The following CSGALNACT1 variants were observed in gnomAD, a reference collection of about 807,000 sequenced individuals.
CSGALNACT1 encodes chondroitin sulfate N-acetylgalactosaminyltransferase 1.
Under a neutral mutation model 51.0 loss-of-function variants are expected in CSGALNACT1, and 52 were observed. The observed-to-expected ratio is 1.02, with a 90% CI of 0.82 to 1.29. The LOEUF is 1.29. CSGALNACT1 is among the 50% of genes most tolerant of loss of function. The pLI, the probability that CSGALNACT1 is intolerant of heterozygous loss-of-function variation, is 0.00. For synonymous variants in CSGALNACT1, 341 were observed against 254.4 expected (o/e 1.34, Z -3.24); for missense variants, 935 against 679.2 (o/e 1.38, Z -4.19).
At chr8:19,728,012 T>A (rs1175984776) in intron 1 of CSGALNACT1, among the ~76,000 whole-genome samples, 1 of 152,204 alleles carries the variant, frequency 6.6e-6, no homozygotes, top group Admixed American at 6.5e-5. Context: ...ACTGGAGTTC[T>A]ACGCGCGATG....
At chr8:19,444,641 C>G (rs147922885) in intron 5 of CSGALNACT1, among the ~76,000 whole-genome samples, 29 of 152,270 alleles carry the variant, frequency 1.9e-4, no homozygotes, top group African/African-American at 5.1e-4. Context: ...AATGCAGAGG[C>G]CAGTTTGTTC....
chr8:19,690,561 T>A (rs923125971), intron 1 of CSGALNACT1, among the ~76,000 whole-genome samples: 5 of 152,170 alleles, frequency 3.3e-5, no homozygotes, highest in African/African-American at 1.2e-4. Flanking sequence ...ATAAAACAGA[T>A]TTTTTTCCTC....
intron 1 of CSGALNACT1, among the ~76,000 whole-genome samples, chr8:19,703,464 C>T (rs1302788614): frequency 3.9e-5 from 6 of 152,100 alleles, no homozygotes; most frequent in African/African-American, 1.2e-4. Flanking sequence ...CCACCAAGCC[C>T]GGCTAATTTT....
intron 5 of CSGALNACT1, among the ~76,000 whole-genome samples, chr8:19,445,888 A>T (rs2062028318): frequency 6.6e-6 from 1 of 152,140 alleles, no homozygotes; most frequent in African/African-American, 2.4e-5. Context: ...TTAAAAAGTA[A>T]AGTAAGCTGG....
intron 4 of CSGALNACT1, among the ~76,000 whole-genome samples, chr8:19,472,903 A>G (rs1245746484): frequency 1.3e-5 from 2 of 152,242 alleles, no homozygotes; most frequent in Non-Finnish European, 2.9e-5. Context: ...TTAAATAAAT[A>G]TATGTAAAAC....
chr8:19,421,226 A>T (rs980396457), intron 6 of CSGALNACT1, among the ~76,000 whole-genome samples: 1 of 152,136 alleles, frequency 6.6e-6, no homozygotes, highest in African/African-American at 2.4e-5. Flanking sequence ...TTAGTGAGAT[A>T]AACAGTGCCA....
At chr8:19,756,931 G>A (rs917023427) in intron 1 of CSGALNACT1, among the ~76,000 whole-genome samples, 19 of 151,310 alleles carry the variant, frequency 1.3e-4, no homozygotes, top group African/African-American at 3.4e-4. Flanking sequence ...GCGTCCCCGC[G>A]CGCCCACCTG....
chr8:19,686,497 C>A (rs2060985701), upstream of CSGALNACT1, among the ~76,000 whole-genome samples: 1 of 152,136 alleles, frequency 6.6e-6, no homozygotes, highest in South Asian at 2.1e-4. Context: ...TGAAATGCAC[C>A]CAGCTGGCTG....
At chr8:19,663,182 A>T (rs967875489) in intron 1 of CSGALNACT1, among the ~76,000 whole-genome samples, 3 of 152,074 alleles carry the variant, frequency 2.0e-5, no homozygotes, top group African/African-American at 7.2e-5. Flanking sequence ...AAACATTTCC[A>T]TGGAACAGCA....
chr8:19,715,564 G>A (rs886429074), intron 1 of CSGALNACT1, among the ~76,000 whole-genome samples: 2 of 152,178 alleles, frequency 1.3e-5, no homozygotes, highest in African/African-American at 4.8e-5. Flanking sequence ...TGTCTTTGCT[G>A]TTGTAAATAG....
chr8:19,430,304 T>C lies in CSGALNACT1; in HGVS notation c.953+9526A>G, dbSNP rs186681373. ...GTCATGAAGACTTACACCTATGTTT[T>C]CTCTTAAAACTTTGATAATTATAGC... On this transcript the variant is annotated intron_variant, in intron 6 of 9. Coordinates refer to ENST00000454498, the Ensembl canonical transcript of CSGALNACT1. Among the ~76,000 whole-genome samples, 129 of 152,344 alleles carry C rather than the reference T, an allele frequency of 8.5e-4. 1 individual carries two copies. Among genetic ancestry groups the C allele is most frequent in the South Asian group, 6.8e-3 (33 of 4,832 alleles).
chr8:19,458,694 T>C (rs929258808), intron 4 of CSGALNACT1, 52 bp from the exon 4 acceptor site: 4 of 1,541,170 alleles, frequency 2.6e-6, no homozygotes, highest in Non-Finnish European at 3.6e-6. Flanking sequence ...CCTTGGCTGC[T>C]GAGTGTTTTT....
chr8:19,536,382 C>T (rs2083756370), intron 3 of CSGALNACT1, among the ~76,000 whole-genome samples: 2 of 152,046 alleles, frequency 1.3e-5, no homozygotes, highest in South Asian at 4.2e-4. Flanking sequence ...TAGCAATCAA[C>T]ATATGGACAC....
intron 1 of CSGALNACT1, among the ~76,000 whole-genome samples, chr8:19,712,168 G>C (rs575028630): frequency 5.9e-5 from 9 of 152,280 alleles, no homozygotes; most frequent in Admixed American, 5.9e-4. Context: ...TGGGACTACA[G>C]GTTCGCGCCG....
intron 3 of CSGALNACT1, among the ~76,000 whole-genome samples, chr8:19,572,953 A>G (rs900188615): frequency 1.3e-5 from 2 of 152,224 alleles, no homozygotes; most frequent in African/African-American, 2.4e-5. Flanking sequence ...TTGAAAAGCA[A>G]GAAGGCAGTA....
chr8:19,448,569 G>C (rs1168278110), intron 5 of CSGALNACT1, among the ~76,000 whole-genome samples: 1 of 152,140 alleles, frequency 6.6e-6, no homozygotes, highest in Non-Finnish European at 1.5e-5. Context: ...TGAACTAAAA[G>C]GCTGAGAGGA....
intron 1 of CSGALNACT1, among the ~76,000 whole-genome samples, chr8:19,661,186 T>A (rs1465907926): frequency 6.6e-6 from 1 of 152,056 alleles, no homozygotes; most frequent in Non-Finnish European, 1.5e-5. Flanking sequence ...AGTGTTGGGA[T>A]TAGAGGCGTA....
At chr8:19,581,272 A>C (rs2045505084) in intron 3 of CSGALNACT1, among the ~76,000 whole-genome samples, 1 of 152,216 alleles carries the variant, frequency 6.6e-6, no homozygotes, top group African/African-American at 2.4e-5. Context: ...GAGAGCAGGT[A>C]ATACTGCCAG....
At chr8:19,437,532 G>T (rs532979226) in intron 6 of CSGALNACT1, among the ~76,000 whole-genome samples, 1 of 152,180 alleles carries the variant, frequency 6.6e-6, no homozygotes, top group African/African-American at 2.4e-5. Context: ...ATAAGAGAGG[G>T]CAGGACATGG....
Sources: allele counts gnomAD v4.1 joint callset (sites outside exome capture counted in the v4.1 genomes callset), GRCh38; gene constraint gnomAD v4.1.1; transcripts MANE v1.5; gene names NCBI Gene and HGNC (gene_info 2026-07-23, HGNC 2026-07-21).